Variants in SHANK2 observed in about 807,000 individuals in gnomAD.
The protein encoded by SHANK2 is SH3 and multiple ankyrin repeat domains protein 2.
A neutral mutation model predicts 133.7 loss-of-function variants in SHANK2; 43 were observed. The observed-to-expected ratio is 0.32, with a 90% CI of 0.25 to 0.41. SHANK2 has a LOEUF of 0.41. SHANK2 is among the 10% of genes least tolerant of loss of function. The pLI is 1.00. For synonymous variants in SHANK2, 1,017 were observed against 952.8 expected, an observed-to-expected ratio of 1.07 and a Z score of -1.24; for missense variants, 1,994 against 2,235.8, an observed-to-expected ratio of 0.89 and a Z score of 2.18.
chr11:70,592,248 G>A (rs1241123000), intron 17 of SHANK2, among the ~76,000 whole-genome samples: 1 of 152,094 alleles, frequency 6.6e-6, no homozygotes, highest in Non-Finnish European at 1.5e-5. Context: ...GGGAAAGACA[G>A]AGGCAGCTGT....
At chr11:70,589,242 T>G (rs1591617767) in intron 17 of SHANK2, among the ~76,000 whole-genome samples, 1 of 152,218 alleles carries the variant, frequency 6.6e-6, no homozygotes, top group Non-Finnish European at 1.5e-5. Context: ...GTACAGCTGG[T>G]GACTTTAAGT....
chr11:70,654,832 A>T (rs527462697), intron 17 of SHANK2, among the ~76,000 whole-genome samples: 74 of 148,234 alleles, frequency 5.0e-4, no homozygotes, highest in Non-Finnish European at 1.0e-3. Context: ...CAGTGGCGTG[A>T]TCTCGGCTCA....
intron 17 of SHANK2, among the ~76,000 whole-genome samples, chr11:70,579,746 G>A (rs1554984992): frequency 1.3e-5 from 2 of 152,250 alleles, no homozygotes; most frequent in African/African-American, 2.4e-5. Flanking sequence ...GCCGCAAAAG[G>A]GACTTTGCAG....
At chr11:70,705,832 A>T (rs1945651242) in intron 14 of SHANK2, 1 of 152,462 alleles carries the variant, frequency 6.6e-6, no homozygotes, top group South Asian at 2.1e-4. Flanking sequence ...ATGATCTTGC[A>T]CCTGGACTGT....
chr11:71,106,839 G>C (rs1951809235), intron 6 of SHANK2, among the ~76,000 whole-genome samples: 1 of 151,938 alleles, frequency 6.6e-6, no homozygotes, highest in African/African-American at 2.4e-5. Flanking sequence ...AAGGGGAGGG[G>C]AGAGGCCAGG....
chr11:70,846,562 G>A (rs1273393589), intron 11 of SHANK2, among the ~76,000 whole-genome samples: 8 of 152,142 alleles, frequency 5.3e-5, no homozygotes, highest in African/African-American at 1.9e-4. Context: ...GGCCTCATCT[G>A]TCAATCAATA....
chr11:70,814,133 G>T lies in SHANK2; in HGVS notation c.1493+6231C>A, dbSNP rs190484672. ...GACATCAGGAGTTGGAGACCAGCCT[G>T]GCCAACATGGCGCAACCCCATCTCT... is the stretch of plus-strand genomic sequence containing the variant. On this transcript the variant is annotated intron_variant, in intron 12 of 25. Transcript: ENST00000601538. Among the ~76,000 whole-genome samples, 97 of 152,252 alleles carry T rather than the reference G, an allele frequency of 6.4e-4. 1 individual carries two copies. The highest frequency in any genetic ancestry group is 2.3e-3 in the African/African-American group (96 of 41,550).
chr11:70,744,487 C>T (rs782482839), intron 14 of SHANK2, among the ~76,000 whole-genome samples: 3 of 152,308 alleles, frequency 2.0e-5, no homozygotes, highest in East Asian at 1.9e-4. Flanking sequence ...GATCTGCCTA[C>T]GGGAGGAATG....
chr11:71,151,361 G>A (rs1555108063), intron 2 of SHANK2, among the ~76,000 whole-genome samples: 4 of 152,102 alleles, frequency 2.6e-5, no homozygotes, highest in South Asian at 4.1e-4. Context: ...GCCGGGTAGC[G>A]GGGTGCACTG....
intron 2 of SHANK2, among the ~76,000 whole-genome samples, chr11:71,168,474 T>G (rs1213636857): frequency 4.0e-5 from 6 of 151,854 alleles, no homozygotes; most frequent in Admixed American, 1.3e-4. Flanking sequence ...CAAGGCAGGC[T>G]GCTGGGAGGT....
At chr11:70,861,077 C>T (rs553761083) in intron 11 of SHANK2, among the ~76,000 whole-genome samples, 12 of 152,306 alleles carry the variant, frequency 7.9e-5, no homozygotes, top group African/African-American at 2.9e-4. Context: ...CCGACCTGCC[C>T]CCTCTGCAGG....
At chr11:70,793,454 A>G (rs1947839299) in intron 14 of SHANK2, among the ~76,000 whole-genome samples, 2 of 152,250 alleles carry the variant, frequency 1.3e-5, no homozygotes, top group Admixed American at 1.3e-4. Flanking sequence ...CATATATTTG[A>G]CAAAGGACTG....
intron 10 of SHANK2, among the ~76,000 whole-genome samples, chr11:70,923,752 T>C (rs989202262): frequency 2.0e-5 from 3 of 152,014 alleles, no homozygotes; most frequent in African/African-American, 7.2e-5. Context: ...AAGGTCTCAC[T>C]ATGTTGCCCT....
chr11:70,651,377 C>T (rs1412794911), intron 17 of SHANK2, among the ~76,000 whole-genome samples: 1 of 152,222 alleles, frequency 6.6e-6, no homozygotes, highest in Non-Finnish European at 1.5e-5. Flanking sequence ...CCCGAACCAC[C>T]TGTTCCCAGT....
At chr11:71,218,355 C>T (rs1954461716) in intron 2 of SHANK2, among the ~76,000 whole-genome samples, 1 of 150,886 alleles carries the variant, frequency 6.6e-6, no homozygotes, top group Non-Finnish European at 1.5e-5. Context: ...ACCTGCGCCT[C>T]CCAGGTTCAA....
At chr11:71,202,848 C>T (rs1565511810) in intron 2 of SHANK2, among the ~76,000 whole-genome samples, 2 of 152,342 alleles carry the variant, frequency 1.3e-5, no homozygotes, top group South Asian at 4.1e-4. Flanking sequence ...CAAGGGGCAA[C>T]AATGAGCACG....
At chr11:70,892,377 T>G (rs2135637238) in intron 11 of SHANK2, among the ~76,000 whole-genome samples, 1 of 152,208 alleles carries the variant, frequency 6.6e-6, no homozygotes, top group South Asian at 2.1e-4. Context: ...GCCCTGTTGG[T>G]GATCTGTGGC....
At chr11:70,683,789 G>T (rs1471880991) in intron 15 of SHANK2, among the ~76,000 whole-genome samples, 2 of 143,864 alleles carry the variant, frequency 1.4e-5, no homozygotes, top group African/African-American at 2.5e-5. Flanking sequence ...TCTCCTTTTT[G>T]TTTTTTTTTT....
At chr11:70,532,218 C>G (rs191558478) in intron 17 of SHANK2, among the ~76,000 whole-genome samples, 1 of 152,186 alleles carries the variant, frequency 6.6e-6, no homozygotes, top group African/African-American at 2.4e-5. Flanking sequence ...TTCCATAAGG[C>G]AGGTGCCCCC....
Sources: gnomAD v4.1 joint callset for allele counts (sites outside exome capture counted in the v4.1 genomes callset) on GRCh38, gnomAD v4.1.1 for gene constraint, MANE v1.5 for transcripts, NCBI Gene and HGNC (gene_info 2026-07-23, HGNC 2026-07-21) for gene names.